The following NALCN variants were observed in gnomAD, a reference collection of about 807,000 sequenced individuals.
NALCN encodes sodium leak channel, non-selective, also known as sodium leak channel NALCN.
NALCN carries 111 observed loss-of-function variants against 225.3 expected under a neutral mutation model. The ratio of observed to expected loss-of-function variants is 0.49; its 90% CI spans 0.42 to 0.58. The LOEUF is 0.58. Ranked by LOEUF, NALCN falls within the 20% of genes least tolerant of loss-of-function variation. The pLI is 0.00. For synonymous variants in NALCN, 764 were observed against 769.0 expected, an observed-to-expected ratio of 0.99 and a Z score of 0.11; for missense variants, 1,378 against 2,202.4, an observed-to-expected ratio of 0.63 and a Z score of 7.49.
intron 13 of NALCN, among the ~76,000 whole-genome samples, chr13:101,208,894 C>A (rs2040421493): frequency 6.6e-6 from 1 of 152,204 alleles, no homozygotes. Flanking sequence ...GTACAGCCTG[C>A]AGAATGGTGA....
At chr13:101,192,172 G>T in intron 13 of NALCN, 118 bp from the exon 14 acceptor site, 1 of 1,131,758 alleles carries the variant, frequency 8.8e-7, no homozygotes, top group Non-Finnish European at 1.2e-6. Flanking sequence ...TCTGATCAGG[G>T]CAAGAACAGT....
intron 6 of NALCN, among the ~76,000 whole-genome samples, chr13:101,365,379 A>G (rs1481497087): frequency 6.6e-6 from 1 of 152,170 alleles, no homozygotes; most frequent in African/African-American, 2.4e-5. Context: ...ACATAGTCTC[A>G]TTCTTTCTCA....
intron 13 of NALCN, among the ~76,000 whole-genome samples, chr13:101,209,123 G>T (rs773578718): frequency 4.7e-4 from 72 of 152,022 alleles, no homozygotes; most frequent in Non-Finnish European, 8.4e-4. Context: ...GTCGTTTTGA[G>T]AATTATATTA....
intron 40 of NALCN, among the ~76,000 whole-genome samples, chr13:101,062,629 G>C (rs2032048247): frequency 6.6e-6 from 1 of 151,984 alleles, no homozygotes; most frequent in Non-Finnish European, 1.5e-5. Context: ...TTGAGATGGA[G>C]CTTCACTCTT....
chr13:101,319,219 T>C (rs7338971), intron 7 of NALCN, among the ~76,000 whole-genome samples: 62,015 of 151,956 alleles, frequency 0.41, 13,006 homozygotes, highest in Middle Eastern at 0.47. Context: ...CCTCTGTTGG[T>C]CACAGGGCTT....
intron 6 of NALCN, among the ~76,000 whole-genome samples, chr13:101,363,176 C>T (rs1483463668): frequency 6.6e-6 from 1 of 152,226 alleles, no homozygotes; most frequent in Non-Finnish European, 1.5e-5. Flanking sequence ...AAGCAATCTA[C>T]AGTTTCAATG....
chr13:101,104,127 C>T lies in NALCN; in HGVS notation c.2889+168G>A, dbSNP rs1376718250. ...TATGATGCTCTTAATTTAGATTTTA[C>T]ATGCATGGCCCTTATTTGCATATAA... On this transcript the variant is annotated intron_variant, in intron 25 of 43. Coordinates refer to ENST00000251127, the MANE Select transcript of NALCN (RefSeq NM_052867.4). The surrounding 1 kb of genome is among the most constrained non-coding windows in gnomAD (Gnocchi z 4.2). Among the ~76,000 whole-genome samples, 1 of 152,134 alleles carries T rather than the reference C, an allele frequency of 6.6e-6. No individual in the cohort carries two copies. The highest frequency in any genetic ancestry group is 2.4e-5 in the African/African-American group (1 of 41,430).
chr13:101,333,291 G>A (rs562265062), intron 7 of NALCN, among the ~76,000 whole-genome samples: 1 of 152,076 alleles, frequency 6.6e-6, no homozygotes, highest in African/African-American at 2.4e-5. Context: ...ATATTTATTA[G>A]CCATTCATGA....
At chr13:101,106,513 G>A (rs191777071) in intron 22 of NALCN, among the ~76,000 whole-genome samples, 18 of 152,168 alleles carry the variant, frequency 1.2e-4, no homozygotes, top group African/African-American at 3.6e-4. Flanking sequence ...TTACTTAAAG[G>A]TACTGATAGG....
intron 31 of NALCN, 121 bp from the exon 32 acceptor site, chr13:101,083,319 T>G: frequency 1.2e-6 from 1 of 832,732 alleles, no homozygotes; most frequent in Non-Finnish European, 1.9e-6. Flanking sequence ...AACAGTTCCG[T>G]CTATTGTGAG....
At chr13:101,100,927 G>T in intron 26 of NALCN, 39 bp from the exon 27 acceptor site, 1 of 1,528,470 alleles carries the variant, frequency 6.5e-7, no homozygotes, top group Non-Finnish European at 8.9e-7. Context: ...TCTTGTTAAA[G>T]ACTAAATATT....
At chr13:101,163,543 T>C (rs2139877920) in intron 15 of NALCN, among the ~76,000 whole-genome samples, 1 of 152,218 alleles carries the variant, frequency 6.6e-6, no homozygotes, top group South Asian at 2.1e-4. Flanking sequence ...TTTACTATGA[T>C]GGGGTTTGAT....
At chr13:101,259,435 G>A (rs1382957980) in intron 10 of NALCN, among the ~76,000 whole-genome samples, 4 of 151,840 alleles carry the variant, frequency 2.6e-5, no homozygotes, top group East Asian at 3.9e-4. Context: ...CTGGATTCAC[G>A]TCATTCTCCG....
intron 15 of NALCN, among the ~76,000 whole-genome samples, chr13:101,153,578 G>A (rs2037756942): frequency 6.6e-6 from 1 of 152,196 alleles, no homozygotes; most frequent in South Asian, 2.1e-4. Context: ...GATGCTTACA[G>A]CACCATTATA....
chr13:101,286,731 C>T (rs375628732), intron 9 of NALCN, among the ~76,000 whole-genome samples: 298 of 151,824 alleles, frequency 2.0e-3, no homozygotes, highest in African/African-American at 7.1e-3. Flanking sequence ...TGTAATTTTC[C>T]TTTCTCATTC....
At chr13:101,360,075 CTTTCTTTCTCTTTCTTTCT>C (rs1332720828) in intron 6 of NALCN, among the ~76,000 whole-genome samples, 2 of 149,674 alleles carry the variant, frequency 1.3e-5, no homozygotes, top group African/African-American at 2.5e-5. Flanking sequence ...CTTTTTCTTT[CTTTCTTTCTCTTTCTTTCT>C]TTTCTTTCTC....
intron 6 of NALCN, among the ~76,000 whole-genome samples, chr13:101,366,571 G>A (rs984764665): frequency 1.1e-4 from 16 of 152,114 alleles, no homozygotes; most frequent in Admixed American, 3.3e-4. Context: ...ACTGATTGCT[G>A]AAAACACAGC....
intron 7 of NALCN, among the ~76,000 whole-genome samples, chr13:101,337,277 ATTAT>A (rs3062886): frequency 0.2 from 27,947 of 142,474 alleles, 3,122 homozygotes; most frequent in Non-Finnish European, 0.25. Flanking sequence ...TTTACTCTTT[ATTAT>A]TTATTTATTT....
At chr13:101,126,051 C>T (rs1411024170) in intron 17 of NALCN, among the ~76,000 whole-genome samples, 1 of 152,188 alleles carries the variant, frequency 6.6e-6, no homozygotes, top group East Asian at 1.9e-4. Context: ...AAACTCACAG[C>T]ACCCCATTCT....
Sources: gnomAD v4.1 joint callset for allele counts (sites outside exome capture counted in the v4.1 genomes callset) on GRCh38, gnomAD v4.1.1 for gene constraint, Gnocchi (gnomAD v3.1) non-coding constraint, MANE v1.5 for transcripts, NCBI Gene and HGNC (gene_info 2026-07-23, HGNC 2026-07-21) for gene names.